Variants in PRKCB observed in about 807,000 individuals in gnomAD.
PRKCB encodes protein kinase C beta type.
PRKCB carries 13 observed loss-of-function variants against 81.5 expected under a neutral mutation model. That is an observed-to-expected ratio of 0.16 (90% confidence interval 0.10 to 0.25). The LOEUF is 0.25. PRKCB is among the 10% of genes least tolerant of loss of function. The pLI is 1.00. For missense variants in PRKCB, 509 were observed against 875.7 expected (o/e 0.58, Z 5.29); for synonymous variants, 335 against 321.4 (o/e 1.04, Z -0.45).
intron 2 of PRKCB, among the ~76,000 whole-genome samples, chr16:23,860,069 G>A (rs1487425583): frequency 6.6e-6 from 1 of 152,084 alleles, no homozygotes; most frequent in Admixed American, 6.6e-5. Context: ...AAAAAAAGAG[G>A]AATTAGACAG....
At chr16:24,122,810 GTAACGAAGTCC>G (rs2141927528) in intron 8 of PRKCB, among the ~76,000 whole-genome samples, 1 of 152,240 alleles carries the variant, frequency 6.6e-6, no homozygotes, top group South Asian at 2.1e-4. Context: ...CGTGAATCCA[GTAACGAAGTCC>G]TGGCAGCTGC....
At chr16:24,077,160 G>T (rs1408190990) in intron 5 of PRKCB, among the ~76,000 whole-genome samples, 1 of 152,004 alleles carries the variant, frequency 6.6e-6, no homozygotes, top group Non-Finnish European at 1.5e-5. Context: ...GTGCCATTTG[G>T]AAGTATTTTG....
At chr16:24,187,691 T>G (rs1397422750) in intron 15 of PRKCB, among the ~76,000 whole-genome samples, 1 of 142,432 alleles carries the variant, frequency 7.0e-6, no homozygotes, top group Non-Finnish European at 1.5e-5. Flanking sequence ...TTTGTTTTGT[T>G]TTGTTTTATC....
At chr16:23,855,450 A>T (rs1328154319) in intron 2 of PRKCB, among the ~76,000 whole-genome samples, 4 of 152,232 alleles carry the variant, frequency 2.6e-5, no homozygotes, top group Non-Finnish European at 4.4e-5. Context: ...CCACAAACAA[A>T]CAAAAAACAA....
At chr16:23,971,726 G>A (rs1964559658) in intron 2 of PRKCB, among the ~76,000 whole-genome samples, 1 of 151,952 alleles carries the variant, frequency 6.6e-6, no homozygotes, top group African/African-American at 2.4e-5. Flanking sequence ...TTTAGCTTTA[G>A]GTGCAGAACA....
chr16:24,075,812 G>A (rs1354642041), intron 5 of PRKCB, among the ~76,000 whole-genome samples: 1 of 152,156 alleles, frequency 6.6e-6, no homozygotes, highest in Non-Finnish European at 1.5e-5. Flanking sequence ...AACAACACTG[G>A]TCAAAAGCAG....
chr16:23,888,121 C>A (rs1016620119), intron 2 of PRKCB, among the ~76,000 whole-genome samples: 2 of 152,198 alleles, frequency 1.3e-5, no homozygotes, highest in African/African-American at 4.8e-5. Context: ...TTGGTTCTTG[C>A]AAGGACTACC....
chr16:23,837,274 G>T, intron 1 of PRKCB, 101 bp from the exon 2 acceptor site: 1 of 1,456,352 alleles, frequency 6.9e-7, no homozygotes, highest in South Asian at 1.1e-5. Context: ...GTTTGCACCT[G>T]GGGTACAGAG....
intron 16 of PRKCB, among the ~76,000 whole-genome samples, chr16:24,193,467 AT>A (rs1967827857): frequency 1.8e-5 from 2 of 112,980 alleles, no homozygotes; most frequent in Admixed American, 1.7e-4. Flanking sequence ...AAATAAATAA[AT>A]AAATAAATAA....
chr16:23,960,556 C>A (rs1241427719), intron 2 of PRKCB, among the ~76,000 whole-genome samples: 1 of 152,024 alleles, frequency 6.6e-6, no homozygotes, highest in Non-Finnish European at 1.5e-5. Flanking sequence ...TGGTTTGCTG[C>A]ACAGATCGAC....
At chr16:23,931,102 G>A (rs1038575159) in intron 2 of PRKCB, among the ~76,000 whole-genome samples, 4 of 152,230 alleles carry the variant, frequency 2.6e-5, no homozygotes, top group African/African-American at 9.7e-5. Context: ...ATGCCCAGCT[G>A]TGATTGGCAT....
intron 6 of PRKCB, among the ~76,000 whole-genome samples, chr16:24,093,943 T>C (rs1324500456): frequency 1.3e-5 from 2 of 152,238 alleles, no homozygotes; most frequent in Non-Finnish European, 2.9e-5. Context: ...GTTCTTGTCA[T>C]AGCCAGTCTA....
At chr16:23,905,336 A>G (rs1055257035) in intron 2 of PRKCB, among the ~76,000 whole-genome samples, 1 of 152,184 alleles carries the variant, frequency 6.6e-6, no homozygotes, top group Non-Finnish European at 1.5e-5. Context: ...CAAACAGTAC[A>G]ATGTGTTACA....
At chr16:23,847,302 T>C (rs1357430520) in intron 2 of PRKCB, among the ~76,000 whole-genome samples, 1 of 151,966 alleles carries the variant, frequency 6.6e-6, no homozygotes, top group African/African-American at 2.4e-5. Context: ...TTTGGGTGGG[T>C]AAAATATGAT....
Position 24,175,396 on chromosome 16 carries a change from G to A in PRKCB, c.1394+816G>A, listed in dbSNP as rs186828441. On this transcript the variant is annotated intron_variant, in intron 12 of 16. Coordinates refer to ENST00000643927, the MANE Select transcript of PRKCB (RefSeq NM_002738.7). ...CTACTATATTCTAGGCACTCTTCTG[G>A]GTGGTGGGCATACAGAAGTGAATAA... Among the ~76,000 whole-genome samples, 586 of 151,376 alleles carry A rather than the reference G, an allele frequency of 3.9e-3. 12 individuals carry two copies. Among genetic ancestry groups the A allele is most frequent in the Admixed American group, 0.031 (468 of 15,156 alleles).
chr16:24,066,798 A>G (rs982157993), intron 5 of PRKCB, among the ~76,000 whole-genome samples: 21 of 152,182 alleles, frequency 1.4e-4, no homozygotes, highest in African/African-American at 5.1e-4. Flanking sequence ...ATCTGGTAGA[A>G]TGTCCATCCA....
chr16:24,214,724 G>A lies in PRKCB; in HGVS notation c.1930G>A (p.Asp644Asn). 1.9e-6 allele frequency: 3 copies of A among 1,614,080 alleles called. No individual in the cohort carries two copies. The highest frequency in any genetic ancestry group is 2.5e-6 in the Non-Finnish European group (3 of 1,180,024). ...CCATCCACCAGTCCTAACACCTCCC[G>A]ACCAGGAAGTCATCAGGAATATTGA... is the stretch of plus-strand genomic sequence containing the variant. ...TRHPPVLTPP[D>N]QEVIRNIDQS... The change falls in exon 17 of 17, where the codon GAC becomes AAC. Residue 644 changes from aspartate (D) to asparagine (N), a missense_variant. Physicochemically the swap from Asp to Asn is conservative, Grantham distance 23 (BLOSUM62 1). Transcript: ENST00000643927.
At chr16:24,208,436 T>C (rs1167725041) in intron 16 of PRKCB, 1 of 152,152 alleles carries the variant, frequency 6.6e-6, no homozygotes, top group Non-Finnish European at 1.5e-5. Flanking sequence ...AGATAAGCTT[T>C]TCAAACTGTC....
At chr16:24,174,422 C>A in intron 11 of PRKCB, 96 bp from the exon 12 acceptor site, 5 of 1,116,470 alleles carry the variant, frequency 4.5e-6, no homozygotes, top group Non-Finnish European at 2.6e-6. Context: ...CTTTAATGTC[C>A]TACACCTAGT....
Sources: gnomAD v4.1 joint callset for allele counts (sites outside exome capture counted in the v4.1 genomes callset) on GRCh38, gnomAD v4.1.1 for gene constraint, MANE v1.5 for transcripts, NCBI Gene and HGNC (gene_info 2026-07-23, HGNC 2026-07-21) for gene names.